PCDH9: variants seen among roughly 807,000 people sequenced by gnomAD.
The protein encoded by PCDH9 is protocadherin-9.
Under a neutral mutation model 70.6 loss-of-function variants are expected in PCDH9, and 24 were observed. That is an observed-to-expected ratio of 0.34 (90% CI 0.25 to 0.48). PCDH9 has a LOEUF of 0.48. Among genes scored for constraint, PCDH9 ranks in the 20% least tolerant of loss-of-function variants. The pLI is 0.99. For missense variants in PCDH9, 1,281 were observed against 1,503.6 expected (o/e 0.85, Z 2.45); for synonymous variants, 562 against 558.5 (o/e 1.01, Z -0.09).
chr13:66,386,401 C>T (rs1161927390), intron 4 of PCDH9, among the ~76,000 whole-genome samples: 1 of 152,090 alleles, frequency 6.6e-6, no homozygotes, highest in Non-Finnish European at 1.5e-5. Context: ...GACTAACATG[C>T]AATGAACATG....
intron 2 of PCDH9, among the ~76,000 whole-genome samples, chr13:66,910,604 A>G (rs74858469): frequency 0.038 from 5,746 of 152,262 alleles, 357 homozygotes; most frequent in African/African-American, 0.13. Flanking sequence ...GTAATTCAGT[A>G]AGTGGATTAA....
chr13:67,155,557 C>T (rs1019686772), intron 2 of PCDH9, among the ~76,000 whole-genome samples: 8 of 152,098 alleles, frequency 5.3e-5, no homozygotes, highest in Admixed American at 5.2e-4. Flanking sequence ...ATGTTAGATG[C>T]TTGATGTGTT....
chr13:66,831,576 GA>G (rs1250311243), intron 3 of PCDH9, among the ~76,000 whole-genome samples: 1 of 152,006 alleles, frequency 6.6e-6, no homozygotes, highest in Non-Finnish European at 1.5e-5. Context: ...TTAAAGCCGA[GA>G]ACATTTAAAA....
intron 2 of PCDH9, among the ~76,000 whole-genome samples, chr13:66,958,242 T>C (rs2083293230): frequency 6.6e-6 from 1 of 152,194 alleles, no homozygotes; most frequent in Non-Finnish European, 1.5e-5. Flanking sequence ...TCCTGGAGAC[T>C]GAGTATTACA....
At chr13:67,001,187 A>G (rs1839448014) in intron 2 of PCDH9, among the ~76,000 whole-genome samples, 4 of 152,228 alleles carry the variant, frequency 2.6e-5, no homozygotes, top group African/African-American at 9.6e-5. Flanking sequence ...ATAACAACAT[A>G]CATAAATAAA....
chr13:67,047,774 C>T (rs2139922825), intron 2 of PCDH9, among the ~76,000 whole-genome samples: 1 of 152,308 alleles, frequency 6.6e-6, no homozygotes. Context: ...AGCCAACTCT[C>T]TTGATTTTAA....
intron 2 of PCDH9, among the ~76,000 whole-genome samples, chr13:67,023,212 CA>C (rs1167535466): frequency 6.6e-6 from 1 of 151,520 alleles, no homozygotes; most frequent in Admixed American, 6.6e-5. Flanking sequence ...TATTTGTTTA[CA>C]GTTACACTAC....
At chr13:66,724,664 AC>A (rs1226653254) in intron 3 of PCDH9, among the ~76,000 whole-genome samples, 4 of 152,040 alleles carry the variant, frequency 2.6e-5, no homozygotes, top group African/African-American at 9.7e-5. Context: ...CCCATCCCTC[AC>A]CTTTCCAACT....
intron 4 of PCDH9, among the ~76,000 whole-genome samples, chr13:66,527,695 A>G (rs1195280432): frequency 6.6e-6 from 1 of 152,128 alleles, no homozygotes; most frequent in Non-Finnish European, 1.5e-5. Context: ...AGAAAAAAAG[A>G]AAGTATAAAG....
At chr13:66,810,327 A>G (rs1268724409) in intron 3 of PCDH9, among the ~76,000 whole-genome samples, 1 of 152,068 alleles carries the variant, frequency 6.6e-6, no homozygotes, top group Non-Finnish European at 1.5e-5. Flanking sequence ...GCTAATCAAA[A>G]GCAATCAATA....
intron 3 of PCDH9, among the ~76,000 whole-genome samples, chr13:66,822,956 T>G (rs532824045): frequency 8.5e-5 from 13 of 152,260 alleles, no homozygotes; most frequent in South Asian, 4.1e-4. Context: ...AATATATTTG[T>G]GTATAAAACT....
rs539349408 is a variant in PCDH9 at position 66,377,133 on chromosome 13, G to C, written c.3341-72105C>G. Among the ~76,000 whole-genome samples the C allele has an allele frequency of 4.7e-4, 71 of 152,188 alleles. No homozygotes were observed. In the East Asian group the frequency reaches 0.013, roughly 28 times the overall value. ...CATATCTGTGAAGAAAATATAATTGGGCCAGAATTGTTAGTTTTGCATGCA... is the reference window on the plus strand; with the variant it reads ...CATATCTGTGAAGAAAATATAATTGCGCCAGAATTGTTAGTTTTGCATGCA... On this transcript the variant is annotated intron_variant, in intron 4 of 4. Transcript: ENST00000377865.
intron 3 of PCDH9, among the ~76,000 whole-genome samples, chr13:66,901,103 T>C (rs901640399): frequency 5.3e-5 from 8 of 151,818 alleles, no homozygotes; most frequent in African/African-American, 1.7e-4. Context: ...CCTTGCATCT[T>C]AGAATGTTTT....
chr13:67,112,626 T>C (rs1406424583), intron 2 of PCDH9, among the ~76,000 whole-genome samples: 2 of 152,016 alleles, frequency 1.3e-5, no homozygotes, highest in African/African-American at 2.4e-5. Flanking sequence ...TTTCTTCCTT[T>C]CTTCCTTTCT....
At chr13:66,374,701 T>C (rs1045592487) in intron 4 of PCDH9, among the ~76,000 whole-genome samples, 6 of 151,972 alleles carry the variant, frequency 3.9e-5, no homozygotes, top group Non-Finnish European at 5.9e-5. Context: ...AACTTCCACC[T>C]CCCAAAATGC....
intron 3 of PCDH9, among the ~76,000 whole-genome samples, chr13:66,874,498 C>A (rs539326290): frequency 6.6e-6 from 1 of 152,112 alleles, no homozygotes; most frequent in Non-Finnish European, 1.5e-5. Flanking sequence ...TTACCACAGT[C>A]AGTCATTAAT....
chr13:66,664,628 C>A (rs7992591), intron 3 of PCDH9, among the ~76,000 whole-genome samples: 86,265 of 151,842 alleles, frequency 0.57, 24,832 homozygotes, highest in African/African-American at 0.65. Context: ...GTTTATTTTC[C>A]AAAAAATGGA....
At chr13:66,575,071 G>T (rs2076794432) in intron 4 of PCDH9, among the ~76,000 whole-genome samples, 1 of 152,006 alleles carries the variant, frequency 6.6e-6, no homozygotes, top group African/African-American at 2.4e-5. Flanking sequence ...TACTCGGGAG[G>T]CAGAGGCAGG....
At chr13:66,643,843 A>C (rs2077737993) in intron 3 of PCDH9, among the ~76,000 whole-genome samples, 1 of 151,998 alleles carries the variant, frequency 6.6e-6, no homozygotes, top group South Asian at 2.1e-4. Context: ...CTAAGATCTA[A>C]AGGATATACA....
Sources: gnomAD v4.1 joint callset for allele counts (sites outside exome capture counted in the v4.1 genomes callset) on GRCh38, gnomAD v4.1.1 for gene constraint, MANE v1.5 for transcripts, NCBI Gene and HGNC (gene_info 2026-07-23, HGNC 2026-07-21) for gene names.